Variants in HERC3 observed in about 807,000 individuals in gnomAD.
HERC3 encodes the protein probable E3 ubiquitin-protein ligase HERC3.
A neutral mutation model predicts 129.9 loss-of-function variants in HERC3; 58 were observed. The ratio of observed to expected loss-of-function variants is 0.45; its 90% CI spans 0.36 to 0.56. The LOEUF is 0.56. HERC3 is among the 20% of genes least tolerant of loss of function. The pLI is 0.00. For missense variants in HERC3, 835 were observed against 1,244.2 expected, an observed-to-expected ratio of 0.67 and a Z score of 4.95; for synonymous variants, 430 against 451.0, an observed-to-expected ratio of 0.95 and a Z score of 0.59.
intron 2 of HERC3, among the ~76,000 whole-genome samples, chr4:88,601,165 G>A (rs1028361874): frequency 2.0e-5 from 3 of 152,178 alleles, no homozygotes; most frequent in Non-Finnish European, 2.9e-5. Context: ...TTGGGAAGAA[G>A]CAGAACTTTC....
At chr4:88,684,255 G>T (rs1481394013) in intron 21 of HERC3, among the ~76,000 whole-genome samples, 2 of 152,158 alleles carry the variant, frequency 1.3e-5, no homozygotes, top group South Asian at 4.1e-4. Context: ...CATGGTACTG[G>T]TACCAAAACA....
rs1729839446 is a variant in HERC3, at chr4:88,655,855, G to A, written c.909-20G>A. On this transcript the variant is annotated intron_variant, in intron 8 of 25. Transcript: ENST00000402738. Reference sequence around the variant, plus strand: ...ACATTAGTAGAAACTATGCTGATGAGTTAAATTATTTTTTCACAGACAACA... The same window carrying A: ...ACATTAGTAGAAACTATGCTGATGAATTAAATTATTTTTTCACAGACAACA... 1.9e-6 allele frequency: 3 copies of A among 1,601,228 alleles called. No homozygotes were observed.
intron 3 of HERC3, among the ~76,000 whole-genome samples, chr4:88,611,821 C>G (rs1035332464): frequency 7.9e-5 from 12 of 152,214 alleles, no homozygotes; most frequent in African/African-American, 2.9e-4. Context: ...TGTCCACCAG[C>G]ATGGGTATGG....
At chr4:88,626,911 T>C (rs1270589106) in intron 3 of HERC3, among the ~76,000 whole-genome samples, 1 of 152,144 alleles carries the variant, frequency 6.6e-6, no homozygotes, top group Non-Finnish European at 1.5e-5. Context: ...TGATTTTTGC[T>C]GTTAATTATT....
the HERC3 span, among the ~76,000 whole-genome samples, chr4:88,552,300 G>GT: frequency 6.6e-6 from 1 of 151,268 alleles, no homozygotes; most frequent in African/African-American, 2.4e-5. Context: ...AAAAAGTCTC[G>GT]TTTTCCTCTG....
chr4:88,646,742 G>C (rs1728728695), intron 3 of HERC3, among the ~76,000 whole-genome samples: 1 of 152,144 alleles, frequency 6.6e-6, no homozygotes, highest in South Asian at 2.1e-4. Flanking sequence ...GGCTGACCTA[G>C]GGGGTAGATT....
At chr4:88,523,888 G>A in the HERC3 span, 1 of 575,636 alleles carries the variant, frequency 1.7e-6, no homozygotes, top group South Asian at 2.4e-5. Context: ...TTTCCCACGG[G>A]CGTCATCTAT....
At chr4:88,582,319 T>G in the HERC3 span, among the ~76,000 whole-genome samples, 12 of 152,330 alleles carry the variant, frequency 7.9e-5, no homozygotes, top group South Asian at 2.3e-3. Flanking sequence ...GTATGATTAA[T>G]TTTCATCGGT....
At chr4:88,545,430 C>CCTTTTTTTTTTTT in the HERC3 span, among the ~76,000 whole-genome samples, 27 of 110,390 alleles carry the variant, frequency 2.4e-4, 1 homozygote, top group East Asian at 3.3e-3. Context: ...TTTGAGAATT[C>CCTTTTTTTTTTTT]TTTTTTTTTT....
At chr4:88,540,723 C>T in the HERC3 span, among the ~76,000 whole-genome samples, 1 of 152,162 alleles carries the variant, frequency 6.6e-6, no homozygotes, top group African/African-American at 2.4e-5. Context: ...ACAAGGGAAG[C>T]CCATCAGACT....
intron 23 of HERC3, among the ~76,000 whole-genome samples, chr4:88,703,876 A>G (rs535437958): frequency 6.6e-6 from 1 of 152,324 alleles, no homozygotes; most frequent in Admixed American, 6.5e-5. Context: ...TATCTGGCTT[A>G]TCCTGCCTTG....
chr4:88,583,977 A>C, the HERC3 span: 1 of 152,208 alleles, frequency 6.6e-6, no homozygotes, highest in African/African-American at 2.4e-5. Context: ...GAATCCTATA[A>C]TTGATGCTTT....
chr4:88,706,291 T>C (rs1735773453), intron 25 of HERC3, among the ~76,000 whole-genome samples: 2 of 152,194 alleles, frequency 1.3e-5, no homozygotes, highest in African/African-American at 4.8e-5. Flanking sequence ...ACAGTGCATG[T>C]CACAAGAGTG....
At chr4:88,689,340 A>G (rs1733812626) in intron 23 of HERC3, among the ~76,000 whole-genome samples, 1 of 142,048 alleles carries the variant, frequency 7.0e-6, no homozygotes, top group African/African-American at 3.0e-5. Context: ...CCAAGTCTCT[A>G]CAAAAAAGTA....
At chr4:88,579,999 T>A in the HERC3 span, among the ~76,000 whole-genome samples, 1 of 152,208 alleles carries the variant, frequency 6.6e-6, no homozygotes, top group Non-Finnish European at 1.5e-5. Flanking sequence ...ATAAGACTCA[T>A]TTCAGACTTC....
the HERC3 span, among the ~76,000 whole-genome samples, chr4:88,558,807 A>C: frequency 4.7e-4 from 72 of 151,692 alleles, no homozygotes; most frequent in Non-Finnish European, 6.3e-4. Flanking sequence ...ACTAGAAAAA[A>C]AAAAAGAAAA....
chr4:88,659,506 A>G (rs1043003622), intron 10 of HERC3, among the ~76,000 whole-genome samples: 1 of 152,162 alleles, frequency 6.6e-6, no homozygotes, highest in African/African-American at 2.4e-5. Context: ...ATGATTAGCT[A>G]TTTTCCAGGT....
chr4:88,536,488 C>T, the HERC3 span, among the ~76,000 whole-genome samples: 35 of 152,266 alleles, frequency 2.3e-4, no homozygotes, highest in Admixed American at 7.2e-4. Context: ...CTTATTATAA[C>T]ATTTATTACT....
the HERC3 span, among the ~76,000 whole-genome samples, chr4:88,537,780 A>C: frequency 2.6e-5 from 4 of 152,346 alleles, no homozygotes; most frequent in Non-Finnish European, 5.9e-5. Context: ...TTTAGCTGCA[A>C]AATTATTTAT....
Sources: allele counts gnomAD v4.1 joint callset (sites outside exome capture counted in the v4.1 genomes callset), GRCh38; gene constraint gnomAD v4.1.1; transcripts MANE v1.5; gene names NCBI Gene and HGNC (gene_info 2026-07-23, HGNC 2026-07-21).